TYW1B: variants seen among roughly 807,000 people sequenced by gnomAD.
TYW1B encodes the protein S-adenosyl-L-methionine-dependent tRNA 4-demethylwyosine synthase TYW1B.
Under a neutral mutation model 86.9 loss-of-function variants are expected in TYW1B, and 73 were observed. That is an observed-to-expected ratio of 0.84 (90% CI 0.70 to 1.02). The LOEUF (loss-of-function observed/expected upper bound fraction) is 1.02. TYW1B is among the 50% of genes least tolerant of loss of function. The pLI, the probability that TYW1B is intolerant of heterozygous loss-of-function variation, is 0.00. For synonymous variants in TYW1B, 248 were observed against 292.8 expected, an observed-to-expected ratio of 0.85 and a Z score of 1.56; for missense variants, 637 against 827.4, an observed-to-expected ratio of 0.77 and a Z score of 2.82.
chr7:72,815,028 G>A (rs1212266777), intron 3 of TYW1B, among the ~76,000 whole-genome samples: 4 of 133,148 alleles, frequency 3.0e-5, no homozygotes, highest in Non-Finnish European at 6.1e-5. Flanking sequence ...GAGATTGCAC[G>A]ACTACACTCC....
chr7:72,702,523 G>C (rs1439253097), intron 10 of TYW1B, among the ~76,000 whole-genome samples: 1 of 152,078 alleles, frequency 6.6e-6, no homozygotes, highest in Non-Finnish European at 1.5e-5. Context: ...CAGTAGCTGG[G>C]ATTACAGGTG....
chr7:72,700,831 G>A (rs1212916013), intron 10 of TYW1B, among the ~76,000 whole-genome samples: 17 of 152,124 alleles, frequency 1.1e-4, no homozygotes, highest in Non-Finnish European at 1.9e-4. Context: ...CTTTGGGAGG[G>A]CGAGGGGGGC....
intron 13 of TYW1B, among the ~76,000 whole-genome samples, chr7:72,604,440 C>T (rs1393704442): frequency 2.6e-5 from 4 of 151,740 alleles, no homozygotes; most frequent in South Asian, 2.1e-4. Context: ...CCAATCTGGG[C>T]GACAGAGTGA....
At chr7:72,631,726 C>A (rs1554439806) in intron 11 of TYW1B, among the ~76,000 whole-genome samples, 3 of 151,754 alleles carry the variant, frequency 2.0e-5, no homozygotes, top group African/African-American at 7.3e-5. Flanking sequence ...TGAGATTAGG[C>A]CAGTTACCAA....
At chr7:72,825,820 G>C (rs1383896503) in intron 2 of TYW1B, among the ~76,000 whole-genome samples, 1 of 152,138 alleles carries the variant, frequency 6.6e-6, no homozygotes, top group Non-Finnish European at 1.5e-5. Context: ...TCTCTAGCCT[G>C]CTGAGGCAGA....
chr7:72,825,392 C>T lies in TYW1B; in HGVS notation c.135+1463G>A, dbSNP rs541966559. Among the ~76,000 whole-genome samples the T allele has an allele frequency of 3.3e-5, 5 of 152,162 alleles. No individual in the cohort carries two copies. The East Asian group carries it at 5.8e-4, about 18-fold the overall frequency. ...CAAGTTTCATTACATAGATGTGTGACGTGAGGCCAGGTGCAGTGGCTCACG... is the reference window on the plus strand; with the variant it reads ...CAAGTTTCATTACATAGATGTGTGATGTGAGGCCAGGTGCAGTGGCTCACG... On this transcript the variant is annotated intron_variant, in intron 2 of 13. Coordinates refer to ENST00000620995, the MANE Select transcript of TYW1B (RefSeq NM_001145440.3).
At chr7:72,790,365 GA>G (rs1271790454) in intron 6 of TYW1B, among the ~76,000 whole-genome samples, 6 of 152,158 alleles carry the variant, frequency 3.9e-5, no homozygotes, top group African/African-American at 1.4e-4. Context: ...TCAGGAGGAA[GA>G]GGGGGTGCTC....
chr7:72,818,884 C>T (rs1460875886), intron 2 of TYW1B, among the ~76,000 whole-genome samples: 5 of 152,028 alleles, frequency 3.3e-5, no homozygotes, highest in East Asian at 1.9e-4. Flanking sequence ...ACCACTCATG[C>T]GAAATCTGCC....
intron 13 of TYW1B, among the ~76,000 whole-genome samples, chr7:72,586,853 A>G (rs1811290114): frequency 1.3e-5 from 2 of 152,138 alleles, no homozygotes; most frequent in Non-Finnish European, 2.9e-5. Flanking sequence ...GTCACCTCCT[A>G]GAAGCTGAGG....
rs587645992 is a variant in TYW1B at position 72,770,427 on chromosome 7, C to CAAAAAAA, written c.964+6982_964+6988dup. On this transcript the variant is annotated intron_variant, in intron 7 of 13. Coordinates refer to ENST00000620995, the MANE Select transcript of TYW1B (RefSeq NM_001145440.3). ...CTGGCAACAGAGTGAGACTCCGTCTCAAAAAAAAAAAAAAAAAAAGAAAAA... is the reference window on the plus strand; with the variant it reads ...CTGGCAACAGAGTGAGACTCCGTCTCAAAAAAAAAAAAAAAAAAAAAAAAAAGAAAAA... Among the ~76,000 whole-genome samples the CAAAAAAA allele has an allele frequency of 7.2e-4, 68 of 93,896 alleles. 1 individual carries two copies. The highest frequency in any genetic ancestry group is 1.2e-3 in the South Asian group (3 of 2,452). 61.6% of individuals were successfully genotyped at this position (93,896 alleles called of 152,430 possible).
chr7:72,762,715 A>T (rs1401925954), intron 7 of TYW1B, among the ~76,000 whole-genome samples: 1 of 152,120 alleles, frequency 6.6e-6, no homozygotes, highest in Non-Finnish European at 1.5e-5. Context: ...GCTGGAGTGC[A>T]GTGGCATGAT....
chr7:72,800,776 C>T (rs1258495527), intron 6 of TYW1B, among the ~76,000 whole-genome samples: 2 of 150,196 alleles, frequency 1.3e-5, no homozygotes, highest in African/African-American at 2.5e-5. Flanking sequence ...ACTACTTTCA[C>T]CAGGGTTTTC....
intron 13 of TYW1B, among the ~76,000 whole-genome samples, chr7:72,603,038 T>C (rs1203545099): frequency 2.6e-5 from 4 of 151,992 alleles, no homozygotes; most frequent in South Asian, 4.1e-4. Context: ...CACACTGATA[T>C]AGACACATAG....
intron 10 of TYW1B, among the ~76,000 whole-genome samples, chr7:72,700,315 T>C (rs1448433964): frequency 2.0e-5 from 3 of 151,578 alleles, no homozygotes; most frequent in Non-Finnish European, 2.9e-5. Flanking sequence ...GCTGGGATTA[T>C]AGGCACCCAC....
At chr7:72,698,534 T>A (rs1554451903) in intron 10 of TYW1B, among the ~76,000 whole-genome samples, 1 of 151,066 alleles carries the variant, frequency 6.6e-6, no homozygotes, top group Non-Finnish European at 1.5e-5. Flanking sequence ...TAATCCCAGC[T>A]ACTCAGGAGG....
chr7:72,604,602 T>A (rs1312375671), intron 13 of TYW1B, among the ~76,000 whole-genome samples: 2 of 152,170 alleles, frequency 1.3e-5, no homozygotes, highest in Non-Finnish European at 2.9e-5. Context: ...ATTGCCAATA[T>A]GTGGAGGGAA....
At chr7:72,783,444 A>G (rs781786725) in intron 6 of TYW1B, among the ~76,000 whole-genome samples, 14 of 151,860 alleles carry the variant, frequency 9.2e-5, no homozygotes, top group African/African-American at 3.4e-4. Flanking sequence ...TAGAATTTTA[A>G]TATTAATCTA....
At chr7:72,655,621 A>G (rs1813182798) in intron 11 of TYW1B, among the ~76,000 whole-genome samples, 1 of 152,282 alleles carries the variant, frequency 6.6e-6, no homozygotes, top group Non-Finnish European at 1.5e-5. Flanking sequence ...CAGATGGCCA[A>G]CACACCAAGA....
chr7:72,682,458 T>C (rs1813899275), intron 11 of TYW1B, among the ~76,000 whole-genome samples: 1 of 152,154 alleles, frequency 6.6e-6, no homozygotes, highest in Admixed American at 6.6e-5. Flanking sequence ...TAAGAATTTT[T>C]ATATCCTAAG....
Sources: allele counts gnomAD v4.1 joint callset (sites outside exome capture counted in the v4.1 genomes callset), GRCh38; gene constraint gnomAD v4.1.1; transcripts MANE v1.5; gene names NCBI Gene and HGNC (gene_info 2026-07-23, HGNC 2026-07-21).